The following DLG2 variants were observed in gnomAD, a reference collection of about 807,000 sequenced individuals.
DLG2 encodes disks large homolog 2.
DLG2 carries 45 observed loss-of-function variants against 132.5 expected under a neutral mutation model. That is an observed-to-expected ratio of 0.34 (90% CI 0.27 to 0.44). The LOEUF (loss-of-function observed/expected upper bound fraction) is 0.44. Among genes scored for constraint, DLG2 ranks in the 20% least tolerant of loss-of-function variants. The pLI, the probability that DLG2 is intolerant of heterozygous loss-of-function variation, is 1.00. For missense variants in DLG2, 1,045 were observed against 1,196.9 expected (o/e 0.87, Z 1.87); for synonymous variants, 424 against 419.6 (o/e 1.01, Z -0.13).
chr11:83,587,399 A>G (rs2097104128), intron 19 of DLG2, among the ~76,000 whole-genome samples: 1 of 152,062 alleles, frequency 6.6e-6, no homozygotes. Context: ...CCTCCCAAGT[A>G]GCTGGGACCA....
In DLG2 at chr11:83,912,891, G is replaced by A. The variant is rs564985966; in HGVS notation, c.1496+17437C>T. ...AGATAGAATATTTTATAGTATGCCCGCGGCTTTGTCAAAGGTTGGGGAAGA... is the reference window on the plus strand; with the variant it reads ...AGATAGAATATTTTATAGTATGCCCACGGCTTTGTCAAAGGTTGGGGAAGA... On this transcript the variant is annotated intron_variant, in intron 15 of 27. Coordinates refer to ENST00000376104, the MANE Select transcript of DLG2 (RefSeq NM_001142699.3). Among the ~76,000 whole-genome samples, 10 of 152,150 alleles carry A rather than the reference G, an allele frequency of 6.6e-5. No homozygotes were observed. In the East Asian group the frequency reaches 9.7e-4, roughly 15 times the overall value.
intron 6 of DLG2, among the ~76,000 whole-genome samples, chr11:84,777,440 T>C (rs2070864206): frequency 1.3e-5 from 2 of 150,982 alleles, no homozygotes; most frequent in Admixed American, 1.3e-4. Flanking sequence ...GATATATTGA[T>C]TTCTTCTCCT....
chr11:85,259,122 T>C (rs1322078299), intron 4 of DLG2, among the ~76,000 whole-genome samples: 1 of 152,138 alleles, frequency 6.6e-6, no homozygotes, highest in African/African-American at 2.4e-5. Context: ...TAATCACCAG[T>C]GTTGGAGGTG....
chr11:85,048,890 T>C (rs2062618446), intron 6 of DLG2, among the ~76,000 whole-genome samples: 1 of 152,074 alleles, frequency 6.6e-6, no homozygotes. Context: ...GAATAATGTG[T>C]TCTTACGCTC....
At chr11:83,507,891 A>G (rs1301760540) in intron 21 of DLG2, among the ~76,000 whole-genome samples, 1 of 150,756 alleles carries the variant, frequency 6.6e-6, no homozygotes, top group East Asian at 2.0e-4. Context: ...AGCCAATCCG[A>G]GTCTCAAAAC....
At chr11:84,871,711 GTTTA>G (rs140551159) in intron 6 of DLG2, among the ~76,000 whole-genome samples, 213 of 151,360 alleles carry the variant, frequency 1.4e-3, no homozygotes, top group Middle Eastern at 0.01. Flanking sequence ...TCATTTCATT[GTTTA>G]TTTATTTATT....
At chr11:84,136,367 T>C (rs1483400597) in intron 9 of DLG2, among the ~76,000 whole-genome samples, 1 of 152,166 alleles carries the variant, frequency 6.6e-6, no homozygotes, top group Non-Finnish European at 1.5e-5. Context: ...TTTTCCTATT[T>C]TGAAAATGAA....
chr11:84,330,371 C>A (rs2098453051), intron 7 of DLG2, among the ~76,000 whole-genome samples: 2 of 152,190 alleles, frequency 1.3e-5, no homozygotes, highest in South Asian at 4.1e-4. Context: ...TGACTACTTA[C>A]AAAGTGTCTC....
chr11:84,103,235 A>G (rs2092668848), intron 9 of DLG2, among the ~76,000 whole-genome samples: 1 of 152,120 alleles, frequency 6.6e-6, no homozygotes, highest in Non-Finnish European at 1.5e-5. Flanking sequence ...AGCAGCATTT[A>G]GCAGAGAGAG....
rs1020264384 is a variant in DLG2 at position 84,503,092 on chromosome 11, T to C, written c.519+31478A>G. Among the ~76,000 whole-genome samples, 5 of 152,326 alleles carry C rather than the reference T, an allele frequency of 3.3e-5. No homozygotes were observed. In the South Asian group the frequency reaches 1.0e-3, roughly 32 times the overall value. ...GTGTTTCTAATAATGATTTGAAGGA[T>C]AGCAGTAAATGTTAGTGGTATAGAA... is the stretch of plus-strand genomic sequence containing the variant. On this transcript the variant is annotated intron_variant, in intron 7 of 27. Transcript: ENST00000376104.
At chr11:84,434,500 A>G (rs2098994644) in intron 7 of DLG2, among the ~76,000 whole-genome samples, 2 of 152,182 alleles carry the variant, frequency 1.3e-5, no homozygotes, top group African/African-American at 4.8e-5. Context: ...ACTTACCACT[A>G]ATCCTGTGAC....
chr11:83,461,855 G>A, intron 27 of DLG2, 147 bp downstream of exon 27: 1 of 616,204 alleles, frequency 1.6e-6, no homozygotes, highest in Non-Finnish European at 2.9e-6. Context: ...TGAAGCAGAG[G>A]GATACTCCTT....
Position 83,489,904 on chromosome 11 carries a change from C to T in DLG2, c.2194-5676G>A, listed in dbSNP as rs188580332. Among the ~76,000 whole-genome samples the T allele has an allele frequency of 1.1e-4, 17 of 151,724 alleles. 1 individual carries two copies. The highest frequency in any genetic ancestry group is 3.4e-3 in the Middle Eastern group (1 of 294). The stretch of plus-strand genomic sequence containing the variant: ...AGAAAGGTGAGATACAAACGTGGTA[C>T]GGAGGAAGGAGAGGAAGACTCTTAA... On this transcript the variant is annotated intron_variant, in intron 21 of 27. Transcript: ENST00000376104.
At position 84,432,066 on chromosome 11, in the gene DLG2, A is replaced by C. The variant is rs534087523; in HGVS notation, c.519+102504T>G. ...TTTCAAATCTACTGAGGATTGTAGA[A>C]AAATGAAGATAATTACAACAAATGC... On this transcript the variant is annotated intron_variant, in intron 7 of 27. Transcript: ENST00000376104. Among the ~76,000 whole-genome samples the C allele has an allele frequency of 1.5e-4, 23 of 152,384 alleles. No individual in the cohort carries two copies. In the East Asian group the frequency reaches 4.0e-3, roughly 27 times the overall value.
intron 3 of DLG2, among the ~76,000 whole-genome samples, chr11:85,366,213 TTA>T (rs1370081233): frequency 6.6e-6 from 1 of 152,184 alleles, no homozygotes; most frequent in Non-Finnish European, 1.5e-5. Context: ...ACCTGTTGAT[TTA>T]TATGTCTTCA....
intron 6 of DLG2, among the ~76,000 whole-genome samples, chr11:84,638,955 T>C (rs78308698): frequency 1.3e-5 from 2 of 152,218 alleles, no homozygotes; most frequent in African/African-American, 4.8e-5. Flanking sequence ...AGAACCTCTA[T>C]TGGCACTTCT....
At chr11:84,451,947 T>C (rs2099052728) in intron 7 of DLG2, among the ~76,000 whole-genome samples, 1 of 151,788 alleles carries the variant, frequency 6.6e-6, no homozygotes, top group Non-Finnish European at 1.5e-5. Context: ...AAGAAGGGAC[T>C]GTTTGAACTC....
chr11:84,606,658 A>G (rs2099586250), intron 6 of DLG2, among the ~76,000 whole-genome samples: 1 of 152,182 alleles, frequency 6.6e-6, no homozygotes, highest in African/African-American at 2.4e-5. Context: ...TGACAAGAAG[A>G]TAAATGCCTC....
intron 18 of DLG2, among the ~76,000 whole-genome samples, chr11:83,711,575 T>C (rs979032523): frequency 6.6e-6 from 1 of 152,192 alleles, no homozygotes; most frequent in Non-Finnish European, 1.5e-5. Context: ...GGCTGACTAA[T>C]ATCTATGTGT....
Sources: gnomAD v4.1 joint callset for allele counts (sites outside exome capture counted in the v4.1 genomes callset) on GRCh38, gnomAD v4.1.1 for gene constraint, MANE v1.5 for transcripts, NCBI Gene and HGNC (gene_info 2026-07-23, HGNC 2026-07-21) for gene names.